NOS1: variants seen among roughly 807,000 people sequenced by gnomAD.
NOS1 encodes the protein nitric oxide synthase 1.
In NOS1, 51 loss-of-function variants were observed where a neutral mutation model predicts 164.5. The ratio of observed to expected loss-of-function variants is 0.31; its 90% CI spans 0.25 to 0.39. The LOEUF (loss-of-function observed/expected upper bound fraction) is 0.39, where lower values mean the gene tolerates loss of function less well. Among genes scored for constraint, NOS1 ranks in the 10% least tolerant of loss-of-function variants. NOS1 has a pLI of 1.00. For missense variants in NOS1, 1,362 were observed against 1,885.6 expected (o/e 0.72, Z 5.14); for synonymous variants, 719 against 745.8 (o/e 0.96, Z 0.59).
In NOS1 at chr12:117,214,993, C is replaced by G; in HGVS notation, c.*316G>C. On this transcript the variant is annotated 3_prime_UTR_variant, in exon 29 of 29. Coordinates refer to ENST00000317775, the MANE Select transcript of NOS1 (RefSeq NM_000620.5). ...CCAGGGGAACCCCAGAGAAAAAAAC[C>G]CCCACAGCGACGGCCATGTTCCAGT... 1.8e-6 allele frequency: 2 copies of G among 1,126,820 alleles called. No individual in the cohort carries two copies. Among genetic ancestry groups the G allele is most frequent in the Non-Finnish European group, 2.2e-6 (2 of 921,934 alleles). 69.8% of individuals were successfully genotyped at this position (1,126,820 alleles called of 1,614,324 possible). A position where few individuals can be genotyped will look rare whatever the true frequency, so the allele number is the denominator to read the frequency against.
chr12:117,245,045 T>C lies in NOS1; in HGVS notation c.2824-1610A>G, dbSNP rs549176439. 7.2e-5 allele frequency among the ~76,000 whole-genome samples: 11 copies of C among 152,254 alleles called. No individual in the cohort carries two copies. The East Asian group carries it at 1.9e-3, about 27-fold the overall frequency. On this transcript the variant is annotated intron_variant, in intron 18 of 28. Coordinates refer to ENST00000317775, the MANE Select transcript of NOS1 (RefSeq NM_000620.5). ...ATAAAAAGCCGTTATCTCATCTCTC[T>C]TTGTCTGGGAGGAAATGCAGGAACA... is the stretch of plus-strand genomic sequence containing the variant.
Position 117,209,465 on chromosome 12 carries a change from A to G in NOS1, c.*5844T>C. 3 of 985,458 alleles carry G rather than the reference A, an allele frequency of 3.0e-6. No homozygotes were observed. Among genetic ancestry groups the G allele is most frequent in the Non-Finnish European group, 3.6e-6 (3 of 829,946 alleles). The allele number at this position is 985,458 out of a possible 1,614,324, so 61.0% of individuals were successfully genotyped here. A position where few individuals can be genotyped will look rare whatever the true frequency, so the allele number is the denominator to read the frequency against. On this transcript the variant is annotated 3_prime_UTR_variant, in exon 29 of 29. Coordinates refer to ENST00000317775, the MANE Select transcript of NOS1 (RefSeq NM_000620.5). ...AAATCTGGGCACTTCGATGTCCTGG[A>G]GTTACTTTCTAAAAGACTACAGGAA... is the stretch of plus-strand genomic sequence containing the variant.
chr12:117,330,847 G>C lies in NOS1; in HGVS notation c.223C>G (p.Leu75Val), dbSNP rs1034845779. ...LAVNGRPLVD[L>V]SYDSALEVLR... ...ACCTCCAGGGCGCTGTCATAGCTCA[G>C]GTCCACCAAGGGCCGGCCGTTGACC... The change falls in exon 2 of 29, where the codon CTG (leucine) becomes GTG (valine). Residue 75 changes from leucine (L) to valine (V), a missense_variant. Physicochemically the swap from Leu to Val is conservative, Grantham distance 32 (BLOSUM62 1). This residue lies in a region of NOS1 where 362 missense variants were observed against 402.0 expected (regional missense o/e 0.90). Coordinates refer to ENST00000317775, the MANE Select transcript of NOS1 (RefSeq NM_000620.5). The surrounding 1 kb of genome is among the most constrained non-coding windows in gnomAD (Gnocchi z 4.6). 1 of 1,614,092 alleles carries C rather than the reference G, an allele frequency of 6.2e-7. No individual in the cohort carries two copies. Among genetic ancestry groups the C allele is most frequent in the Non-Finnish European group, 8.5e-7 (1 of 1,180,000 alleles).
intron 9 of NOS1, 56 bp downstream of exon 9, chr12:117,277,901 AAG>A: frequency 6.5e-7 from 1 of 1,527,872 alleles, no homozygotes; most frequent in South Asian, 1.2e-5. Context: ...GGGCTGGGCA[AAG>A]AGGGGCACTG....
Position 117,212,966 on chromosome 12 carries a change from T to G in NOS1, c.*2343A>C. ...TGTTGGGGATTGAAAGGTGTTTACT[T>G]AAAAAAAAATCTTTCTGGAGAAGAA... On this transcript the variant is annotated 3_prime_UTR_variant, in exon 29 of 29. Transcript: ENST00000317775. 1.0e-6 allele frequency: 1 copy of G among 983,786 alleles called. No homozygotes were observed. Among genetic ancestry groups the G allele is most frequent in the Non-Finnish European group, 1.2e-6 (1 of 828,752 alleles). 60.9% of individuals were successfully genotyped at this position (983,786 alleles called of 1,614,324 possible). A position where few individuals can be genotyped will look rare whatever the true frequency, so the allele number is the denominator to read the frequency against.
At chr12:117,292,661 A>T (rs187029060) in intron 3 of NOS1, among the ~76,000 whole-genome samples, 1 of 152,314 alleles carries the variant, frequency 6.6e-6, no homozygotes, top group Non-Finnish European at 1.5e-5. Context: ...AAGCTGAAGA[A>T]AGGAGTCCAA....
chr12:117,346,807 A>C (rs1876373862), intron 1 of NOS1, among the ~76,000 whole-genome samples: 2 of 152,200 alleles, frequency 1.3e-5, no homozygotes, highest in African/African-American at 2.4e-5. Context: ...ATTTTAAAGG[A>C]AATTTCAACT....
chr12:117,286,298 AC>A (rs751786120), intron 5 of NOS1, 32 bp from the exon 6 acceptor site: 4 of 1,610,124 alleles, frequency 2.5e-6, no homozygotes, highest in Non-Finnish European at 2.5e-6. Context: ...TGGGAACATC[AC>A]CCCCTCTTCT....
rs555394079 is a variant in NOS1 at position 117,243,751 on chromosome 12, T to C, written c.2824-316A>G. Among the ~76,000 whole-genome samples the C allele has an allele frequency of 1.3e-5, 2 of 151,728 alleles. No homozygotes were observed. Among genetic ancestry groups the C allele is most frequent in the African/African-American group, 4.8e-5 (2 of 41,384 alleles). ...ATCTATCTTTCCATCCATCCATCCATCCACCCATCCATCCACCCACCCACC... is the reference window on the plus strand; with the variant it reads ...ATCTATCTTTCCATCCATCCATCCACCCACCCATCCATCCACCCACCCACC... On this transcript the variant is annotated intron_variant, in intron 18 of 28. Transcript: ENST00000317775. The surrounding 1 kb of genome is among the most constrained non-coding windows in gnomAD (Gnocchi z 4.3).
intron 20 of NOS1, among the ~76,000 whole-genome samples, chr12:117,236,542 T>C (rs1869728692): frequency 6.6e-6 from 1 of 152,196 alleles, no homozygotes. Context: ...GACCTTGCCC[T>C]GTCTGGGAAC....
At chr12:117,228,282 T>C (rs1868878123) in intron 22 of NOS1, among the ~76,000 whole-genome samples, 1 of 152,146 alleles carries the variant, frequency 6.6e-6, no homozygotes, top group South Asian at 2.1e-4. Flanking sequence ...CCATGGCTAC[T>C]AGGTGGTGAT....
Position 117,227,434 on chromosome 12 carries a change from G to A in NOS1, c.3613C>T (p.Arg1205Ter), listed in dbSNP as rs757229486. 3.7e-6 allele frequency: 6 copies of A among 1,613,790 alleles called. No homozygotes were observed. Among genetic ancestry groups the A allele is most frequent in the Non-Finnish European group, 3.4e-6 (4 of 1,179,900 alleles). ...LTVAIVSYRT[R>*]DGEGPIHHGV... ...CTCTCCCAGTGCCTCCGCCCACCTC[G>A]AGTGCGGTAGGAAACGATGGCCACA... Residue 1205 changes from arginine (R) to a stop codon, truncating the protein, a stop_gained, in exon 23 of 29, where the codon CGA (arginine) becomes TGA (stop). Transcript: ENST00000317775. LOFTEE classifies it high-confidence loss of function.
At chr12:117,293,344 C>G (rs1003035935) in intron 3 of NOS1, among the ~76,000 whole-genome samples, 5 of 152,198 alleles carry the variant, frequency 3.3e-5, no homozygotes, top group African/African-American at 1.2e-4. Flanking sequence ...CTGTGCAGGA[C>G]AAGCCACGGG....
At chr12:117,221,929 G>A (rs1272209136) in intron 26 of NOS1, among the ~76,000 whole-genome samples, 2 of 151,292 alleles carry the variant, frequency 1.3e-5, no homozygotes, top group African/African-American at 2.4e-5. Flanking sequence ...CAAAGTGCTG[G>A]GATTACAGGC....
At chr12:117,229,868 C>G (rs1051941351) in intron 22 of NOS1, among the ~76,000 whole-genome samples, 2 of 152,200 alleles carry the variant, frequency 1.3e-5, no homozygotes, top group Admixed American at 6.5e-5. Flanking sequence ...GGATCACAGG[C>G]GTGAGCCACT....
intron 2 of NOS1, among the ~76,000 whole-genome samples, chr12:117,314,330 T>C (rs1874579571): frequency 1.3e-5 from 2 of 152,214 alleles, no homozygotes; most frequent in South Asian, 4.1e-4. Context: ...TGTCACTCAG[T>C]TCCCTTTCAG....
intron 9 of NOS1, among the ~76,000 whole-genome samples, chr12:117,276,950 G>A (rs979281342): frequency 1.3e-5 from 2 of 152,042 alleles, no homozygotes; most frequent in Non-Finnish European, 2.9e-5. Context: ...CAAACAAAAG[G>A]GTACAGATAT....
chr12:117,325,520 G>A (rs1240556403), intron 2 of NOS1, among the ~76,000 whole-genome samples: 1 of 152,110 alleles, frequency 6.6e-6, no homozygotes, highest in African/African-American at 2.4e-5. Context: ...GAACATGAAG[G>A]AAGAGAGTCT....
At chr12:117,218,563 T>C (rs1956647544) in intron 27 of NOS1, among the ~76,000 whole-genome samples, 1 of 151,960 alleles carries the variant, frequency 6.6e-6, no homozygotes, top group South Asian at 2.1e-4. Context: ...AAATAGCCCA[T>C]GAGACCAGAA....
Sources: allele counts gnomAD v4.1 joint callset (sites outside exome capture counted in the v4.1 genomes callset), GRCh38; gene constraint gnomAD v4.1.1; regional missense constraint gnomAD v4.1.1; non-coding constraint Gnocchi (gnomAD v3.1); transcripts MANE v1.5; gene names NCBI Gene and HGNC (gene_info 2026-07-23, HGNC 2026-07-21).